Variants in WDR44 observed in about 807,000 individuals in gnomAD.
The protein encoded by WDR44 is WD repeat-containing protein 44.
A neutral mutation model predicts 65.7 loss-of-function variants in WDR44; 9 were observed. That is an observed-to-expected ratio of 0.14 (90% CI 0.08 to 0.24). The LOEUF is 0.24. WDR44 is among the 10% of genes least tolerant of loss of function. The probability of loss-of-function intolerance (pLI) is 1.00; values close to 1 mark genes in which losing one functional copy is unlikely to be tolerated. For missense variants in WDR44, 425 were observed against 670.9 expected, an observed-to-expected ratio of 0.63 and a Z score of 4.05; for synonymous variants, 220 against 235.2, an observed-to-expected ratio of 0.94 and a Z score of 0.59.
chrX:118,431,425 T>TC (rs2057209924), intron 12 of WDR44, among the ~76,000 whole-genome samples: 1 of 111,844 alleles, frequency 8.9e-6, no homozygotes, highest in African/African-American at 3.2e-5. Context: ...TGCCTTAGCC[T>TC]CCCAAGTAGC....
At chrX:118,378,104 C>T (rs2056678764) in intron 1 of WDR44, among the ~76,000 whole-genome samples, 1 of 110,233 alleles carries the variant, frequency 9.1e-6, no homozygotes, top group Admixed American at 9.8e-5. Context: ...TATAGGCACG[C>T]ACCACCACAC....
At chrX:118,404,524 C>G in intron 9 of WDR44, 80 bp downstream of exon 9, 1 of 729,921 alleles carries the variant, frequency 1.4e-6, no homozygotes, top group Non-Finnish European at 2.0e-6. Flanking sequence ...TTGTAAGAAG[C>G]ATTCTATTTA....
chrX:118,412,943 A>G (rs1044309025), intron 12 of WDR44, among the ~76,000 whole-genome samples: 2 of 111,735 alleles, frequency 1.8e-5, no homozygotes, highest in Non-Finnish European at 3.8e-5. Flanking sequence ...AGAACATACA[A>G]TGTTTGGTTT....
intron 15 of WDR44, among the ~76,000 whole-genome samples, chrX:118,442,034 G>A (rs981167905): frequency 3.6e-5 from 4 of 111,829 alleles, no homozygotes; most frequent in Admixed American, 2.9e-4. Flanking sequence ...GAGCCACCAC[G>A]CCCAAGCAAA....
At chrX:118,388,155 G>T (rs1448597533) in intron 3 of WDR44, among the ~76,000 whole-genome samples, 1 of 111,891 alleles carries the variant, frequency 8.9e-6, no homozygotes, top group African/African-American at 3.3e-5. Flanking sequence ...AATGCCAATA[G>T]CATCCTCAAC....
chrX:118,399,577 C>T (rs1203167471), intron 8 of WDR44, among the ~76,000 whole-genome samples: 3 of 111,417 alleles, frequency 2.7e-5, no homozygotes, highest in Non-Finnish European at 3.8e-5. Flanking sequence ...GATAAACATC[C>T]AGAAGAGATG....
rs764966309 is a variant in WDR44, at chrX:118,378,411, C to T, written c.78-8C>T. On this transcript the variant is annotated splice_region_variant and splice_polypyrimidine_tract_variant and intron_variant, in intron 1 of 19. Coordinates refer to ENST00000254029, the MANE Select transcript of WDR44 (RefSeq NM_019045.5). ...ATTCAACACCTCCTTACTTTTATTT[C>T]TGAACAGGTCTCCAGGAAAAGTTGG... The T allele has an allele frequency of 7.5e-6, 9 of 1,204,266 alleles. No individual in the cohort carries two copies. In the African/African-American group the frequency reaches 1.2e-4, roughly 16 times the overall value.
intron 11 of WDR44, 44 bp downstream of exon 11, chrX:118,409,671 T>G: frequency 8.9e-7 from 1 of 1,124,851 alleles, no homozygotes; most frequent in Non-Finnish European, 1.2e-6. Flanking sequence ...CTGAAGTTTT[T>G]ACATTTTAGG....
intron 1 of WDR44, among the ~76,000 whole-genome samples, chrX:118,370,304 A>G (rs2056602879): frequency 9.0e-6 from 1 of 111,430 alleles, no homozygotes; most frequent in Non-Finnish European, 1.9e-5. Flanking sequence ...TGTGACCTTC[A>G]GTATTGGAGG....
At chrX:118,370,652 C>T (rs2056607224) in intron 1 of WDR44, among the ~76,000 whole-genome samples, 1 of 109,405 alleles carries the variant, frequency 9.1e-6, no homozygotes, top group South Asian at 4.0e-4. Context: ...GGCGCAATGT[C>T]GGCTCACTAA....
chrX:118,430,194 G>T (rs866006572), intron 12 of WDR44, among the ~76,000 whole-genome samples: 1 of 97,461 alleles, frequency 1.0e-5, no homozygotes, highest in Non-Finnish European at 2.1e-5. Flanking sequence ...TAATTTTTCT[G>T]TTTTTTTTTT....
intron 13 of WDR44, chrX:118,436,465 A>T: frequency 2.3e-6 from 1 of 434,100 alleles, no homozygotes; most frequent in Non-Finnish European, 4.2e-6. Context: ...GATAAGATTC[A>T]TCTGAATTTC....
At chrX:118,432,756 A>G (rs758835215) in intron 12 of WDR44, 25 bp from the exon 13 acceptor site, 1 of 1,166,432 alleles carries the variant, frequency 8.6e-7, no homozygotes, top group Non-Finnish European at 1.2e-6. Context: ...TTGCAGTTTC[A>G]AAGTTTATCT....
intron 8 of WDR44, among the ~76,000 whole-genome samples, chrX:118,402,145 C>T (rs1396237352): frequency 9.1e-6 from 1 of 109,299 alleles, no homozygotes; most frequent in Non-Finnish European, 1.9e-5. Context: ...ACAGTTAAGA[C>T]ATTAAGAGGC....
intron 6 of WDR44, among the ~76,000 whole-genome samples, chrX:118,396,249 A>G (rs769469529): frequency 3.0e-4 from 33 of 111,562 alleles, no homozygotes; most frequent in Non-Finnish European, 3.6e-4. Context: ...CAGTTTGGCA[A>G]TTCCTCAAAA....
chrX:118,348,064 G>A (rs2056369184), intron 1 of WDR44, among the ~76,000 whole-genome samples: 1 of 111,275 alleles, frequency 9.0e-6, no homozygotes, highest in African/African-American at 3.3e-5. Context: ...TATTGGGGTG[G>A]GGGAGGGAAA....
At chrX:118,363,567 A>G (rs1031361466) in intron 1 of WDR44, among the ~76,000 whole-genome samples, 12 of 111,560 alleles carry the variant, frequency 1.1e-4, no homozygotes, top group Non-Finnish European at 9.4e-5. Flanking sequence ...CAGCAAGCAG[A>G]TGGAATAAAG....
chrX:118,409,950 A>G (rs1461119065), intron 11 of WDR44, among the ~76,000 whole-genome samples: 11 of 112,466 alleles, frequency 9.8e-5, no homozygotes, highest in Non-Finnish European at 1.9e-5. Context: ...TGGAAAAAGA[A>G]TGAAAATCAT....
At position 118,444,023 on chromosome X, in the gene WDR44, G is replaced by A. The variant is rs779695130; in HGVS notation, c.2512+336G>A. ...ATGGCACCACTGCACTCCAGTCTGG[G>A]CAATAGAGTGAGATTCCGTCTAAAA... On this transcript the variant is annotated intron_variant, in intron 18 of 19. Transcript: ENST00000254029. 1.2e-4 allele frequency among the ~76,000 whole-genome samples: 13 copies of A among 108,254 alleles called. No individual in the cohort carries two copies. In the East Asian group the frequency reaches 3.5e-3, roughly 29 times the overall value. 94.0% of individuals were successfully genotyped at this position (108,254 alleles called of 115,157 possible).
Sources: allele counts gnomAD v4.1 joint callset (sites outside exome capture counted in the v4.1 genomes callset), GRCh38; gene constraint gnomAD v4.1.1; transcripts MANE v1.5; gene names NCBI Gene and HGNC (gene_info 2026-07-23, HGNC 2026-07-21).